The following GPC5 variants were observed in gnomAD, a reference collection of about 807,000 sequenced individuals.
The protein encoded by GPC5 is glypican 5.
GPC5 carries 47 observed loss-of-function variants against 53.9 expected under a neutral mutation model. That is an observed-to-expected ratio of 0.87 (90% CI 0.69 to 1.11). The LOEUF is 1.11. Ranked by LOEUF, GPC5 falls within the 50% of genes most tolerant of loss-of-function variation. GPC5 has a pLI of 0.00. For synonymous variants in GPC5, 286 were observed against 263.3 expected (o/e 1.09, Z -0.84); for missense variants, 748 against 713.1 (o/e 1.05, Z -0.56).
At chr13:91,893,188 T>A (rs1227901943) in intron 5 of GPC5, among the ~76,000 whole-genome samples, 1 of 152,072 alleles carries the variant, frequency 6.6e-6, no homozygotes, top group East Asian at 1.9e-4. Context: ...TTTATAAACT[T>A]TGCGTCAAAT....
intron 6 of GPC5, among the ~76,000 whole-genome samples, chr13:92,024,707 G>T (rs979054174): frequency 6.6e-6 from 1 of 152,004 alleles, no homozygotes; most frequent in African/African-American, 2.4e-5. Context: ...AACTGTGGAG[G>T]CATATTTCAA....
At chr13:91,923,802 T>TA (rs2039740676) in intron 6 of GPC5, among the ~76,000 whole-genome samples, 1 of 152,128 alleles carries the variant, frequency 6.6e-6, no homozygotes, top group Non-Finnish European at 1.5e-5. Flanking sequence ...AAACAGATGG[T>TA]AAAATCTAAT....
intron 6 of GPC5, among the ~76,000 whole-genome samples, chr13:91,992,035 A>C (rs2040461436): frequency 6.6e-6 from 1 of 152,020 alleles, no homozygotes; most frequent in African/African-American, 2.4e-5. Flanking sequence ...ATTTCTTTTG[A>C]TTTTTTAATT....
At chr13:92,219,203 A>G (rs2042431897) in intron 7 of GPC5, among the ~76,000 whole-genome samples, 1 of 152,088 alleles carries the variant, frequency 6.6e-6, no homozygotes, top group African/African-American at 2.4e-5. Context: ...TGTGTCACTT[A>G]CTAGATCAGA....
chr13:92,464,015 G>C (rs1283902268), intron 7 of GPC5, among the ~76,000 whole-genome samples: 1 of 152,186 alleles, frequency 6.6e-6, no homozygotes, highest in South Asian at 2.1e-4. Context: ...GTAGCACTAA[G>C]TGCTGTGTAT....
chr13:92,149,994 A>G (rs1203081329), intron 7 of GPC5, among the ~76,000 whole-genome samples: 3 of 151,990 alleles, frequency 2.0e-5, no homozygotes, highest in Non-Finnish European at 4.4e-5. Context: ...TCTAAAATTA[A>G]AGTTTCACCA....
intron 7 of GPC5, among the ~76,000 whole-genome samples, chr13:92,332,072 C>G (rs753221069): frequency 3.3e-5 from 5 of 152,156 alleles, no homozygotes; most frequent in Non-Finnish European, 7.4e-5. Context: ...CAGTTCATTG[C>G]TAACATCAGC....
intron 2 of GPC5, among the ~76,000 whole-genome samples, chr13:91,655,465 C>T (rs1023145648): frequency 2.5e-4 from 38 of 152,060 alleles, no homozygotes; most frequent in African/African-American, 8.9e-4. Flanking sequence ...TTAAATATAT[C>T]ACTTTTGTAA....
intron 7 of GPC5, among the ~76,000 whole-genome samples, chr13:92,329,596 G>C (rs896017727): frequency 2.0e-5 from 3 of 152,120 alleles, no homozygotes; most frequent in Non-Finnish European, 4.4e-5. Context: ...GGTTATCTCA[G>C]TATCATCTTA....
intron 7 of GPC5, among the ~76,000 whole-genome samples, chr13:92,609,730 T>C (rs1353062920): frequency 6.6e-6 from 1 of 151,942 alleles, no homozygotes; most frequent in Non-Finnish European, 1.5e-5. Context: ...AAGACCCAAG[T>C]TGTATTAAAA....
At chr13:91,648,193 A>G (rs1366477766) in intron 2 of GPC5, among the ~76,000 whole-genome samples, 1 of 152,178 alleles carries the variant, frequency 6.6e-6, no homozygotes, top group Non-Finnish European at 1.5e-5. Flanking sequence ...TAGCCTTTTC[A>G]TTCATTTATC....
chr13:92,450,149 T>A (rs1192743388), intron 7 of GPC5, among the ~76,000 whole-genome samples: 1 of 152,040 alleles, frequency 6.6e-6, no homozygotes, highest in African/African-American at 2.4e-5. Context: ...GACTAAGAAC[T>A]TGGAACAAAA....
chr13:91,555,375 G>A (rs2138859286), intron 2 of GPC5, among the ~76,000 whole-genome samples: 1 of 152,112 alleles, frequency 6.6e-6, no homozygotes, highest in South Asian at 2.1e-4. Context: ...AACTTCCCCG[G>A]TGGTAACAAA....
At chr13:92,316,408 G>T (rs1208012040) in intron 7 of GPC5, among the ~76,000 whole-genome samples, 1 of 152,028 alleles carries the variant, frequency 6.6e-6, no homozygotes, top group African/African-American at 2.4e-5. Flanking sequence ...TTAGCTTCTA[G>T]CATTAAGCAG....
intron 5 of GPC5, among the ~76,000 whole-genome samples, chr13:91,877,165 C>A (rs1594634927): frequency 6.6e-6 from 1 of 152,190 alleles, no homozygotes; most frequent in South Asian, 2.1e-4. Flanking sequence ...TCATGGAGAA[C>A]CTCTGCCAGG....
At chr13:91,940,924 C>G (rs2039920783) in intron 6 of GPC5, among the ~76,000 whole-genome samples, 1 of 151,940 alleles carries the variant, frequency 6.6e-6, no homozygotes, top group Non-Finnish European at 1.5e-5. Context: ...GTGAATATTT[C>G]TCCCATTCTG....
At chr13:92,149,987 AAAATT>A (rs2041895684) in intron 7 of GPC5, among the ~76,000 whole-genome samples, 1 of 151,978 alleles carries the variant, frequency 6.6e-6, no homozygotes, top group Non-Finnish European at 1.5e-5. Context: ...TATTCTTTCT[AAAATT>A]AAAGTTTCAC....
At chr13:91,919,843 C>G (rs1402741613) in intron 6 of GPC5, among the ~76,000 whole-genome samples, 2 of 152,160 alleles carry the variant, frequency 1.3e-5, no homozygotes, top group Non-Finnish European at 2.9e-5. Flanking sequence ...ACATACCGGC[C>G]TGCCTATTTT....
intron 1 of GPC5, among the ~76,000 whole-genome samples, chr13:91,410,532 G>C (rs1258830979): frequency 1.3e-5 from 2 of 151,402 alleles, no homozygotes; most frequent in African/African-American, 2.4e-5. Flanking sequence ...ATTTTTAGTA[G>C]AGACGGGGTT....
Sources: gnomAD v4.1 joint callset for allele counts (sites outside exome capture counted in the v4.1 genomes callset) on GRCh38, gnomAD v4.1.1 for gene constraint, MANE v1.5 for transcripts, NCBI Gene and HGNC (gene_info 2026-07-23, HGNC 2026-07-21) for gene names.